Variants in NR2E1 observed in about 807,000 individuals in gnomAD.
NR2E1 encodes the protein nuclear receptor TLX.
NR2E1 carries 5 observed loss-of-function variants against 43.6 expected under a neutral mutation model. That is an observed-to-expected ratio of 0.11 (90% CI 0.06 to 0.24). NR2E1 has a LOEUF of 0.24. Ranked by LOEUF, NR2E1 falls within the 10% of genes least tolerant of loss-of-function variation. NR2E1 has a pLI of 1.00. For synonymous variants in NR2E1, 191 were observed against 195.5 expected, an observed-to-expected ratio of 0.98 and a Z score of 0.19; for missense variants, 287 against 496.7, an observed-to-expected ratio of 0.58 and a Z score of 4.01.
At chr6:108,179,044 G>C (rs1348522448) in intron 5 of NR2E1, 2 of 152,232 alleles carry the variant, frequency 1.3e-5, no homozygotes, top group Non-Finnish European at 2.9e-5. Context: ...TTTTCCAAAG[G>C]CTAATAAGTA....
intron 3 of NR2E1, chr6:108,176,208 G>A: frequency 2.2e-6 from 1 of 455,322 alleles, no homozygotes; most frequent in Non-Finnish European, 3.9e-6. Flanking sequence ...CTGGTGGGGA[G>A]GAGCCCTGGA....
At chr6:108,168,013 AAAG>A in intron 1 of NR2E1, 3 of 1,582,334 alleles carry the variant, frequency 1.9e-6, no homozygotes, top group Non-Finnish European at 2.6e-6. Flanking sequence ...ACGTGAACAA[AAAG>A]AAAAGGAGAA....
chr6:108,177,411 A>C (rs217524), intron 4 of NR2E1, among the ~76,000 whole-genome samples: 69,669 of 152,054 alleles, frequency 0.46, 16,259 homozygotes, highest in Middle Eastern at 0.5. Flanking sequence ...CTCCAGGCCT[A>C]CAGCTGATAC....
In NR2E1 at chr6:108,169,364, TC is replaced by T. The variant is rs1183583812; in HGVS notation, c.26-2091del. Among the ~76,000 whole-genome samples, 2 of 152,168 alleles carry T rather than the reference TC, an allele frequency of 1.3e-5. No individual in the cohort carries two copies. The highest frequency in any genetic ancestry group is 4.8e-5 in the African/African-American group (2 of 41,444). On this transcript the variant is annotated intron_variant, in intron 1 of 8. Transcript: ENST00000368986. This position sits in a 1 kb window ranked among gnomAD's most constrained non-coding sequence, Gnocchi z 6.1. ...AGGGGCCCCCACCCTGCACTGGTCTTCCCTCCACCCTCATCGGGTTCTCCAG... is the reference window on the plus strand; with the variant it reads ...AGGGGCCCCCACCCTGCACTGGTCTTCCTCCACCCTCATCGGGTTCTCCAG...
Position 108,180,686 on chromosome 6 carries a change from G to C in NR2E1, c.740-121G>C. 1 of 960,754 alleles carries C rather than the reference G, an allele frequency of 1.0e-6. No homozygotes were observed. Among genetic ancestry groups the C allele is most frequent in the Non-Finnish European group, 1.6e-6 (1 of 612,210 alleles). The allele number at this position is 960,754 out of a possible 1,614,324, so 59.5% of individuals were successfully genotyped here. ...TCATACAATATAGCCGGTTTACATG[G>C]AATCAGATATCTTAGAGTGACAATT... is the stretch of plus-strand genomic sequence containing the variant. On this transcript the variant is annotated intron_variant, in intron 6 of 8. Coordinates refer to ENST00000368986, the MANE Select transcript of NR2E1 (RefSeq NM_003269.5). The surrounding 1 kb of genome is among the most constrained non-coding windows in gnomAD (Gnocchi z 5.4).
At chr6:108,176,270 C>A (rs1411840544) in intron 3 of NR2E1, 5 of 590,552 alleles carry the variant, frequency 8.5e-6, no homozygotes, top group Non-Finnish European at 1.5e-5. Flanking sequence ...TATCGTGGCA[C>A]TTTGAGCACG....
rs979605351 is a variant in NR2E1 at position 108,180,231 on chromosome 6, A to G, written c.643-92A>G. On this transcript the variant is annotated intron_variant, in intron 5 of 8. Coordinates refer to ENST00000368986, the MANE Select transcript of NR2E1 (RefSeq NM_003269.5). The surrounding 1 kb of genome is among the most constrained non-coding windows in gnomAD (Gnocchi z 5.4). ...AATTACCAAGACAGGCATTTAAAAC[A>G]CTTTTTAAAATAATGGAAATTTACA... The G allele has an allele frequency of 3.5e-6, 3 of 866,514 alleles. No individual in the cohort carries two copies. Among genetic ancestry groups the G allele is most frequent in the Admixed American group, 4.1e-5 (2 of 49,306 alleles). The allele number at this position is 866,514 out of a possible 1,614,324, so 53.7% of individuals were successfully genotyped here. A position where few individuals can be genotyped will look rare whatever the true frequency, so the allele number is the denominator to read the frequency against.
intron 1 of NR2E1, among the ~76,000 whole-genome samples, chr6:108,167,519 C>A (rs1369060223): frequency 6.6e-6 from 1 of 152,150 alleles, no homozygotes; most frequent in African/African-American, 2.4e-5. Context: ...CACCCCGAGA[C>A]TCACGAGCGC....
chr6:108,182,487 C>T (rs774699398), intron 8 of NR2E1, among the ~76,000 whole-genome samples: 1 of 151,366 alleles, frequency 6.6e-6, no homozygotes, highest in Admixed American at 6.6e-5. Context: ...CTCATGGGCT[C>T]ATGTGATCCT....
chr6:108,167,425 C>T (rs1773727091), intron 1 of NR2E1, among the ~76,000 whole-genome samples: 1 of 152,212 alleles, frequency 6.6e-6, no homozygotes. Flanking sequence ...AGTGCGCGGC[C>T]TGCTCCCTCC....
intron 1 of NR2E1, among the ~76,000 whole-genome samples, chr6:108,168,391 GC>G (rs1208439090): frequency 6.6e-6 from 1 of 152,216 alleles, no homozygotes; most frequent in African/African-American, 2.4e-5. Context: ...AGCCCCTGGG[GC>G]CCTTGAAAGG....
chr6:108,170,640 C>T (rs1264094280), intron 1 of NR2E1, among the ~76,000 whole-genome samples: 1 of 144,154 alleles, frequency 6.9e-6, no homozygotes, highest in African/African-American at 2.6e-5. Context: ...CTGGAAAAAA[C>T]CGGGAGGAAG....
In NR2E1 at chr6:108,171,460, C is replaced by G; in HGVS notation, c.28C>G (p.Arg10Gly). MSKPAGSTS[R>G]ILDIPCKVCG... ...CCCCGTCTTTCCTGCGATTTCAGGCCGCATTTTAGATATCCCCTGCAAAGT... is the reference window on the plus strand; with the variant it reads ...CCCCGTCTTTCCTGCGATTTCAGGCGGCATTTTAGATATCCCCTGCAAAGT... Residue 10 changes from arginine (R) to glycine (G), a missense_variant and splice_region_variant, in exon 2 of 9, where the codon CGC (arginine) becomes GGC (glycine). Arg to Gly is a moderately radical substitution (Grantham distance 125). Coordinates refer to ENST00000368986, the MANE Select transcript of NR2E1 (RefSeq NM_003269.5). The G allele has an allele frequency of 6.2e-7, 1 of 1,613,914 alleles. No homozygotes were observed. The highest frequency in any genetic ancestry group is 8.5e-7 in the Non-Finnish European group (1 of 1,179,946).
chr6:108,170,088 C>T (rs1773785795), intron 1 of NR2E1, among the ~76,000 whole-genome samples: 1 of 151,644 alleles, frequency 6.6e-6, no homozygotes, highest in Non-Finnish European at 1.5e-5. Context: ...GCCTCGAGGC[C>T]CTCCCCGCGC....
At chr6:108,168,301 T>TA in intron 1 of NR2E1, 11 of 841,784 alleles carry the variant, frequency 1.3e-5, no homozygotes, top group South Asian at 7.8e-5. Context: ...GCCTCCTAGC[T>TA]CGCTCGCCCC....
intron 8 of NR2E1, among the ~76,000 whole-genome samples, chr6:108,185,073 A>C (rs1056191920): frequency 6.6e-6 from 1 of 152,170 alleles, no homozygotes; most frequent in Admixed American, 6.5e-5. Flanking sequence ...TTCCTCCAGC[A>C]CTTTCCTGTC....
Position 108,166,672 on chromosome 6 carries a change from C to T in NR2E1, c.-94C>T. The T allele has an allele frequency of 1.9e-6, 2 of 1,063,130 alleles. 1 individual carries two copies. Among genetic ancestry groups the T allele is most frequent in the Middle Eastern group, 6.2e-4 (2 of 3,218 alleles). 65.9% of individuals were successfully genotyped at this position (1,063,130 alleles called of 1,614,324 possible). A position where few individuals can be genotyped will look rare whatever the true frequency, so the allele number is the denominator to read the frequency against. ...CCCAGGAGCCTTGCAGGCTGGAGGG[C>T]AGCTGGAGAGCGGCGGCGCCCGGCG... On this transcript the variant is annotated 5_prime_UTR_variant, in exon 1 of 9. Coordinates refer to ENST00000368986, the MANE Select transcript of NR2E1 (RefSeq NM_003269.5). The surrounding 1 kb of genome is among the most constrained non-coding windows in gnomAD (Gnocchi z 7.2).
intron 8 of NR2E1, among the ~76,000 whole-genome samples, chr6:108,182,139 G>C (rs766362373): frequency 2.0e-5 from 3 of 151,828 alleles, no homozygotes; most frequent in Non-Finnish European, 4.4e-5. Context: ...CTACTCGGAA[G>C]GCTGAGGCAG....
chr6:108,176,528 G>A lies in NR2E1; in HGVS notation c.285G>A (p.Arg95=), dbSNP rs1221406483. The A allele has an allele frequency of 1.2e-6, 2 of 1,613,038 alleles. No individual in the cohort carries two copies. Among genetic ancestry groups the A allele is most frequent in the East Asian group, 4.5e-5 (2 of 44,866 alleles). Residue 95 remains arginine, a synonymous_variant, in exon 4 of 9, where the codon CGG becomes CGA. Coordinates refer to ENST00000368986, the MANE Select transcript of NR2E1 (RefSeq NM_003269.5). ...CCGTGCAGCACGAGCGGGGGCCTCG[G>A]ACGTCCACCATCCGCAAGCAAGTGG... The part of the protein sequence containing the change: ...KDAVQHERGP[R]TSTIRKQVAL...
Sources: gnomAD v4.1 joint callset for allele counts (sites outside exome capture counted in the v4.1 genomes callset) on GRCh38, gnomAD v4.1.1 for gene constraint, Gnocchi (gnomAD v3.1) non-coding constraint, MANE v1.5 for transcripts, NCBI Gene and HGNC (gene_info 2026-07-23, HGNC 2026-07-21) for gene names.